CAST: variants seen among roughly 807,000 people sequenced by gnomAD.
CAST encodes the protein MIR583 host.
A neutral mutation model predicts 119.6 loss-of-function variants in CAST; 76 were observed. The ratio of observed to expected loss-of-function variants is 0.64; its 90% CI spans 0.53 to 0.77. The LOEUF is 0.77. Ranked by LOEUF, CAST falls within the 30% of genes least tolerant of loss-of-function variation. The probability of loss-of-function intolerance (pLI) is 0.00; values close to 1 mark genes in which losing one functional copy is unlikely to be tolerated. For synonymous variants in CAST, 319 were observed against 331.6 expected (o/e 0.96, Z 0.41); for missense variants, 953 against 946.5 (o/e 1.01, Z -0.09).
intron 1 of CAST, among the ~76,000 whole-genome samples, chr5:96,534,641 C>G (rs1488165134): frequency 7.1e-6 from 1 of 140,748 alleles, no homozygotes; most frequent in Non-Finnish European, 1.5e-5. Flanking sequence ...TGCACTCCAG[C>G]CTGGGCGGCA....
chr5:96,567,654 C>T (rs973992953), intron 1 of CAST, among the ~76,000 whole-genome samples: 2 of 152,144 alleles, frequency 1.3e-5, no homozygotes, highest in Admixed American at 6.5e-5. Context: ...ATTGTTGACC[C>T]CTTGAGATCA....
the CAST span, among the ~76,000 whole-genome samples, chr5:96,053,338 C>T: frequency 3.3e-5 from 5 of 152,170 alleles, no homozygotes; most frequent in African/African-American, 1.2e-4. Context: ...ATTCAATGAC[C>T]TCTAGACTTC....
chr5:96,255,928 A>G, the CAST span, among the ~76,000 whole-genome samples: 4 of 152,148 alleles, frequency 2.6e-5, no homozygotes, highest in Non-Finnish European at 5.9e-5. Context: ...GTGTGCTACA[A>G]AATAAAGTCT....
At chr5:96,200,727 A>G in the CAST span, among the ~76,000 whole-genome samples, 2 of 152,166 alleles carry the variant, frequency 1.3e-5, no homozygotes, top group African/African-American at 4.8e-5. Context: ...TACTAGCTGT[A>G]TAATATGGGG....
chr5:96,541,246 C>T (rs1745907063), intron 1 of CAST, among the ~76,000 whole-genome samples: 1 of 151,902 alleles, frequency 6.6e-6, no homozygotes, highest in Non-Finnish European at 1.5e-5. Flanking sequence ...TTATTTTTTG[C>T]TCAAATTGTT....
the CAST span, among the ~76,000 whole-genome samples, chr5:95,994,826 A>G: frequency 2.0e-5 from 3 of 152,128 alleles, no homozygotes; most frequent in African/African-American, 7.2e-5. Flanking sequence ...TATACTTTTT[A>G]TTATGCCATA....
chr5:96,227,610 G>A, the CAST span, among the ~76,000 whole-genome samples: 1 of 151,966 alleles, frequency 6.6e-6, no homozygotes, highest in Non-Finnish European at 1.5e-5. Context: ...TTAGAGAGGG[G>A]GAAAAAGTGC....
chr5:96,698,945 T>C (rs1753598775), intron 3 of CAST, among the ~76,000 whole-genome samples: 1 of 152,224 alleles, frequency 6.6e-6, no homozygotes, highest in South Asian at 2.1e-4. Flanking sequence ...TTCTATATAT[T>C]GTAGAATTGT....
the CAST span, among the ~76,000 whole-genome samples, chr5:96,067,893 T>G: frequency 6.6e-6 from 1 of 151,944 alleles, no homozygotes; most frequent in African/African-American, 2.4e-5. Flanking sequence ...AAAACTTGCT[T>G]ACACAGTTCC....
rs1773061447 is a variant in CAST, at chr5:96,773,126, A to T, written c.*510A>T. 6.5e-6 allele frequency: 1 copy of T among 153,800 alleles called. No individual in the cohort carries two copies. Among genetic ancestry groups the T allele is most frequent in the South Asian group, 2.1e-4 (1 of 4,832 alleles). 9.5% of individuals were successfully genotyped at this position (153,800 alleles called of 1,614,324 possible). A position where few individuals can be genotyped will look rare whatever the true frequency, so the allele number is the denominator to read the frequency against. ...GAACTGTATTTGATGTTGCTTTGGG[A>T]TAATGTTTATAAGTCAAACATAAGA... On this transcript the variant is annotated 3_prime_UTR_variant, in exon 32 of 32. Coordinates refer to ENST00000675179, the MANE Select transcript of CAST (RefSeq NM_001750.7).
At chr5:96,119,014 C>T in the CAST span, among the ~76,000 whole-genome samples, 1 of 152,154 alleles carries the variant, frequency 6.6e-6, no homozygotes, top group South Asian at 2.1e-4. Flanking sequence ...TGGAAAATGT[C>T]GTTTTTAAAT....
chr5:96,126,817 GAAAATT>G, the CAST span, among the ~76,000 whole-genome samples: 5 of 152,032 alleles, frequency 3.3e-5, no homozygotes, highest in South Asian at 8.3e-4. Flanking sequence ...TTTTAGGTGA[GAAAATT>G]AAGGTATAAA....
chr5:96,670,776 G>A (rs751277533), intron 1 of CAST, among the ~76,000 whole-genome samples: 20 of 152,212 alleles, frequency 1.3e-4, no homozygotes, highest in African/African-American at 4.6e-4. Flanking sequence ...GATTACAGGC[G>A]TGAGCCACTG....
the CAST span, among the ~76,000 whole-genome samples, chr5:96,406,947 A>G: frequency 6.6e-6 from 1 of 152,168 alleles, no homozygotes; most frequent in Non-Finnish European, 1.5e-5. Flanking sequence ...AGACAGTTCA[A>G]TTTTTTTCCT....
the CAST span, among the ~76,000 whole-genome samples, chr5:96,371,006 TGAA>T: frequency 3.9e-5 from 6 of 152,048 alleles, no homozygotes; most frequent in Non-Finnish European, 8.8e-5. Context: ...TTAAAGGAAA[TGAA>T]GAACATCCGT....
At chr5:96,739,141 A>C (rs200920152) in intron 11 of CAST, among the ~76,000 whole-genome samples, 2 of 152,240 alleles carry the variant, frequency 1.3e-5, no homozygotes, top group East Asian at 3.8e-4. Flanking sequence ...AACACAGAAG[A>C]AACACTGCTT....
chr5:96,136,307 G>C, the CAST span, among the ~76,000 whole-genome samples: 1 of 151,814 alleles, frequency 6.6e-6, no homozygotes, highest in South Asian at 2.1e-4. Flanking sequence ...TTTTCAGTTC[G>C]CTCCTGTCTC....
the CAST span, chr5:96,393,277 G>A: frequency 2.5e-6 from 4 of 1,613,950 alleles, no homozygotes; most frequent in Non-Finnish European, 3.4e-6. Flanking sequence ...CCTGGGAAGG[G>A]GCTCCCTCCT....
At chr5:96,724,842 A>C (rs1296553177) in intron 4 of CAST, among the ~76,000 whole-genome samples, 1 of 152,098 alleles carries the variant, frequency 6.6e-6, no homozygotes, top group East Asian at 1.9e-4. Flanking sequence ...TAAATAAATA[A>C]ATAAATAAAT....
Sources: gnomAD v4.1 joint callset for allele counts (sites outside exome capture counted in the v4.1 genomes callset) on GRCh38, gnomAD v4.1.1 for gene constraint, MANE v1.5 for transcripts, NCBI Gene and HGNC (gene_info 2026-07-23, HGNC 2026-07-21) for gene names.